Variants in CPB2 observed in about 807,000 individuals in gnomAD.
The protein encoded by CPB2 is carboxypeptidase B2.
Under a neutral mutation model 57.0 loss-of-function variants are expected in CPB2, and 54 were observed. That is an observed-to-expected ratio of 0.95 (90% confidence interval 0.76 to 1.19). The LOEUF (loss-of-function observed/expected upper bound fraction) is 1.19, where lower values mean the gene tolerates loss of function less well. Ranked by LOEUF, CPB2 falls within the 50% of genes most tolerant of loss-of-function variation. CPB2 has a pLI of 0.00. For synonymous variants in CPB2, 189 were observed against 178.1 expected, an observed-to-expected ratio of 1.06 and a Z score of -0.49; for missense variants, 426 against 512.0, an observed-to-expected ratio of 0.83 and a Z score of 1.62.
chr13:46,089,146 ACTT>A (rs2045253928), intron 1 of CPB2, among the ~76,000 whole-genome samples: 1 of 135,370 alleles, frequency 7.4e-6, no homozygotes, highest in African/African-American at 2.7e-5. Context: ...GAAGAAATAG[ACTT>A]CTTTTTTTTT....
Position 46,094,198 on chromosome 13 carries a change from T to C in CPB2, c.75-6378A>G, listed in dbSNP as rs138437337. 3.3e-5 allele frequency among the ~76,000 whole-genome samples: 5 copies of C among 152,308 alleles called. No homozygotes were observed. The East Asian group carries it at 9.7e-4, about 29-fold the overall frequency. ...ACCCAGTGGGTTTTCTAGCCTTACA[T>C]AGCATTTTTATTCTAGTGTGCTCTA... On this transcript the variant is annotated intron_variant, in intron 1 of 10. Transcript: ENST00000181383.
intron 1 of CPB2, chr13:46,099,965 CA>C (rs1185982331): frequency 3.3e-5 from 5 of 152,012 alleles, no homozygotes; most frequent in African/African-American, 1.2e-4. Flanking sequence ...GTGGAGGTTA[CA>C]GTGAGCCAAA....
intron 7 of CPB2, among the ~76,000 whole-genome samples, chr13:46,065,626 C>CA (rs397851865): frequency 7.8e-3 from 481 of 61,558 alleles, no homozygotes; most frequent in Non-Finnish European, 9.3e-3. Flanking sequence ...GACTCCGTCT[C>CA]AAAAAAAAAA....
At chr13:46,095,720 C>T (rs1177867808) in intron 1 of CPB2, among the ~76,000 whole-genome samples, 3 of 152,100 alleles carry the variant, frequency 2.0e-5, no homozygotes, top group African/African-American at 7.2e-5. Context: ...ATATAAGCCC[C>T]CAGCTACTGT....
At chr13:46,056,500 C>T (rs2044698908) in intron 9 of CPB2, among the ~76,000 whole-genome samples, 1 of 152,178 alleles carries the variant, frequency 6.6e-6, no homozygotes, top group Non-Finnish European at 1.5e-5. Context: ...TCATGGTATA[C>T]ACTGTCACCT....
chr13:46,078,654 A>C (rs1248691788), intron 5 of CPB2, 146 bp downstream of exon 5: 5 of 628,362 alleles, frequency 8.0e-6, no homozygotes, highest in Non-Finnish European at 1.4e-5. Flanking sequence ...CCAACCCCTA[A>C]ATAGCCAGGT....
intron 5 of CPB2, among the ~76,000 whole-genome samples, chr13:46,075,464 A>T (rs2045008375): frequency 6.6e-6 from 1 of 152,194 alleles, no homozygotes; most frequent in Non-Finnish European, 1.5e-5. Flanking sequence ...AGAATGCATG[A>T]TTTTTCAACG....
intron 4 of CPB2, among the ~76,000 whole-genome samples, chr13:46,080,495 G>A (rs777573558): frequency 1.2e-4 from 18 of 152,310 alleles, no homozygotes; most frequent in Admixed American, 8.5e-4. Flanking sequence ...CAATTCATAT[G>A]TTCAATCCCT....
At position 46,087,715 on chromosome 13, in the gene CPB2, C is replaced by A. The variant is rs760151252; in HGVS notation, c.150+30G>T. The A allele has an allele frequency of 8.1e-6, 12 of 1,480,218 alleles. No individual in the cohort carries two copies. The South Asian group carries it at 1.4e-4, about 17-fold the overall frequency. The allele number at this position is 1,480,218 out of a possible 1,614,324, so 91.7% of individuals were successfully genotyped here. A position where few individuals can be genotyped will look rare whatever the true frequency, so the allele number is the denominator to read the frequency against. Reference sequence around the variant, plus strand: ...ACCCAGTGCTTATACAAAGTGAAACCAATATAAACATAAATTAGGGAGAAA... The same window carrying A: ...ACCCAGTGCTTATACAAAGTGAAACAAATATAAACATAAATTAGGGAGAAA... On this transcript the variant is annotated intron_variant, in intron 2 of 10. Transcript: ENST00000181383.
intron 10 of CPB2, 98 bp downstream of exon 10, chr13:46,055,664 T>A: frequency 1.6e-6 from 1 of 619,630 alleles, no homozygotes; most frequent in South Asian, 2.6e-5. Context: ...CATGTGACCC[T>A]ATTTAATTCA....
chr13:46,081,226 T>C (rs1179942275), intron 4 of CPB2, among the ~76,000 whole-genome samples: 1 of 152,188 alleles, frequency 6.6e-6, no homozygotes, highest in Non-Finnish European at 1.5e-5. Flanking sequence ...TTCCAACTCT[T>C]TCCTGAACAT....
intron 6 of CPB2, among the ~76,000 whole-genome samples, chr13:46,071,278 C>A (rs533610675): frequency 6.6e-6 from 1 of 151,776 alleles, no homozygotes; most frequent in East Asian, 1.9e-4. Flanking sequence ...TAGAAATATG[C>A]TAAGGTTGAA....
intron 10 of CPB2, among the ~76,000 whole-genome samples, chr13:46,054,759 G>A (rs1293692131): frequency 2.0e-5 from 3 of 151,400 alleles, no homozygotes; most frequent in East Asian, 3.9e-4. Flanking sequence ...ATACAGTTTC[G>A]ACCTTTTTTG....
At chr13:46,090,228 T>C (rs1566415363) in intron 1 of CPB2, among the ~76,000 whole-genome samples, 1 of 152,062 alleles carries the variant, frequency 6.6e-6, no homozygotes. Context: ...CAGCTTGTTA[T>C]GTTTCATGAA....
intron 2 of CPB2, among the ~76,000 whole-genome samples, chr13:46,084,933 C>A (rs1390961415): frequency 6.6e-6 from 1 of 151,752 alleles, no homozygotes; most frequent in Admixed American, 6.6e-5. Flanking sequence ...TCACTGCAAG[C>A]TCTGCCTCCC....
chr13:46,092,511 C>G (rs1004076523), intron 1 of CPB2, among the ~76,000 whole-genome samples: 1 of 152,092 alleles, frequency 6.6e-6, no homozygotes, highest in Admixed American at 6.5e-5. Context: ...AATAAATCAT[C>G]TTATTTAAGA....
chr13:46,054,164 G>A (rs1354657721), intron 10 of CPB2, among the ~76,000 whole-genome samples: 1 of 152,056 alleles, frequency 6.6e-6, no homozygotes, highest in African/African-American at 2.4e-5. Flanking sequence ...TAATTTTATG[G>A]GCGAAAAATA....
intron 5 of CPB2, among the ~76,000 whole-genome samples, chr13:46,075,253 A>G (rs981840997): frequency 2.6e-5 from 4 of 152,252 alleles, no homozygotes; most frequent in Non-Finnish European, 4.4e-5. Context: ...GTCAAATTGT[A>G]TAGTCAAAGA....
chr13:46,101,032 C>T (rs2045428064), intron 1 of CPB2: 2 of 152,126 alleles, frequency 1.3e-5, no homozygotes, highest in African/African-American at 4.8e-5. Flanking sequence ...TCTGAGGATG[C>T]CTCGTAACTT....
Sources: allele counts gnomAD v4.1 joint callset (sites outside exome capture counted in the v4.1 genomes callset), GRCh38; gene constraint gnomAD v4.1.1; transcripts MANE v1.5; gene names NCBI Gene and HGNC (gene_info 2026-07-23, HGNC 2026-07-21).